UQCC1: variants seen among roughly 807,000 people sequenced by gnomAD.
The protein encoded by UQCC1 is ubiquinol-cytochrome c reductase complex assembly factor 1.
Under a neutral mutation model 48.0 loss-of-function variants are expected in UQCC1, and 38 were observed. The ratio of observed to expected loss-of-function variants is 0.79; its 90% confidence interval spans 0.61 to 1.04. The LOEUF is 1.04. UQCC1 is among the 50% of genes least tolerant of loss of function. The pLI is 0.00. For missense variants in UQCC1, 368 were observed against 381.8 expected, an observed-to-expected ratio of 0.96 and a Z score of 0.30; for synonymous variants, 111 against 129.2, an observed-to-expected ratio of 0.86 and a Z score of 0.95.
chr20:35,407,805 C>CT (rs1302053955), intron 1 of UQCC1, among the ~76,000 whole-genome samples: 1 of 152,084 alleles, frequency 6.6e-6, no homozygotes, highest in Non-Finnish European at 1.5e-5. Flanking sequence ...GGCGGATCAC[C>CT]TGAGGTTGGG....
chr20:35,325,340 A>C (rs1038878852), intron 7 of UQCC1, among the ~76,000 whole-genome samples: 1 of 152,240 alleles, frequency 6.6e-6, no homozygotes, highest in Non-Finnish European at 1.5e-5. Context: ...TAAAATGATA[A>C]ATATTATGTA....
In UQCC1 at chr20:35,411,088, GT is replaced by G. The variant is rs56798862; in HGVS notation, c.24+851del. ...GACCATGTCTACTATGAAAAACAGT[GT>G]CTTTGACCCAGTTTTTGAAGACTCG... On this transcript the variant is annotated intron_variant, in intron 1 of 9. Transcript: ENST00000374385. Among the ~76,000 whole-genome samples, 240 of 152,238 alleles carry G rather than the reference GT, an allele frequency of 1.6e-3. 2 individuals are homozygous for G. Among genetic ancestry groups the G allele is most frequent in the African/African-American group, 5.8e-3 (239 of 41,548 alleles).
rs77200187 is a variant in UQCC1, at chr20:35,399,147, A to T, written c.25-4951T>A. Among the ~76,000 whole-genome samples, 1,039 of 152,362 alleles carry T rather than the reference A, an allele frequency of 6.8e-3. 16 individuals carry two copies. The highest frequency in any genetic ancestry group is 0.024 in the African/African-American group (993 of 41,578). On this transcript the variant is annotated intron_variant, in intron 1 of 9. Transcript: ENST00000374385. ...ATCTCACAGGAGTGTTCCCAGGAACATTCCTAAAAGCACTTTGATAACAGA... is the reference window on the plus strand; with the variant it reads ...ATCTCACAGGAGTGTTCCCAGGAACTTTCCTAAAAGCACTTTGATAACAGA...
At chr20:35,319,477 T>C (rs952140400) in intron 7 of UQCC1, among the ~76,000 whole-genome samples, 2 of 152,198 alleles carry the variant, frequency 1.3e-5, no homozygotes, top group African/African-American at 4.8e-5. Flanking sequence ...ATATTTGCCA[T>C]GCACTTTTTA....
At chr20:35,395,102 T>C (rs764641612) in intron 1 of UQCC1, among the ~76,000 whole-genome samples, 4 of 152,140 alleles carry the variant, frequency 2.6e-5, no homozygotes, top group Admixed American at 6.6e-5. Context: ...TTGATGTGTT[T>C]ACTAACCTAG....
At chr20:35,397,595 C>A (rs1433288278) in intron 1 of UQCC1, among the ~76,000 whole-genome samples, 1 of 150,168 alleles carries the variant, frequency 6.7e-6, no homozygotes, top group Non-Finnish European at 1.5e-5. Flanking sequence ...TTTTTCTCGT[C>A]ACTACTCCCT....
At chr20:35,363,658 TG>T (rs1365569107) in intron 6 of UQCC1, among the ~76,000 whole-genome samples, 1 of 152,202 alleles carries the variant, frequency 6.6e-6, no homozygotes, top group African/African-American at 2.4e-5. Flanking sequence ...CCTTCTGAAA[TG>T]TCAGCGACCA....
intron 7 of UQCC1, among the ~76,000 whole-genome samples, chr20:35,317,318 T>C (rs558042064): frequency 6.6e-6 from 1 of 152,348 alleles, no homozygotes; most frequent in East Asian, 1.9e-4. Context: ...GTATGTATGC[T>C]GAAAGCCTTG....
At chr20:35,398,919 A>G (rs1004261951) in intron 1 of UQCC1, among the ~76,000 whole-genome samples, 13 of 152,184 alleles carry the variant, frequency 8.5e-5, no homozygotes, top group African/African-American at 1.2e-4. Flanking sequence ...ATACTTTTAA[A>G]TCAGTTCTTA....
intron 6 of UQCC1, among the ~76,000 whole-genome samples, chr20:35,357,539 C>T (rs1358022103): frequency 2.6e-5 from 4 of 151,066 alleles, no homozygotes; most frequent in African/African-American, 7.3e-5. Flanking sequence ...TAGTGGGGCA[C>T]GGTGGTGCAT....
intron 1 of UQCC1, among the ~76,000 whole-genome samples, chr20:35,404,385 AC>A (rs2093444226): frequency 7.0e-6 from 1 of 143,646 alleles, no homozygotes; most frequent in Non-Finnish European, 1.5e-5. Flanking sequence ...AAAAAAAAAA[AC>A]AAAATTAGCC....
chr20:35,323,777 G>A (rs969675265), intron 7 of UQCC1, among the ~76,000 whole-genome samples: 1 of 152,188 alleles, frequency 6.6e-6, no homozygotes, highest in Non-Finnish European at 1.5e-5. Context: ...TGACACTGAG[G>A]TTTCTCTCTC....
At chr20:35,304,277 C>T (rs2060903966) in intron 9 of UQCC1, among the ~76,000 whole-genome samples, 1 of 152,196 alleles carries the variant, frequency 6.6e-6, no homozygotes, top group South Asian at 2.1e-4. Flanking sequence ...TCAGAGAAAG[C>T]AGTCACTGGG....
intron 7 of UQCC1, among the ~76,000 whole-genome samples, chr20:35,325,223 G>T (rs1020766107): frequency 6.6e-6 from 1 of 152,208 alleles, no homozygotes; most frequent in African/African-American, 2.4e-5. Flanking sequence ...AATGGGCACA[G>T]AGTTTTTGTT....
chr20:35,359,013 A>G (rs2146420048), intron 6 of UQCC1, among the ~76,000 whole-genome samples: 1 of 152,322 alleles, frequency 6.6e-6, no homozygotes, highest in South Asian at 2.1e-4. Flanking sequence ...AAAGAAAAAA[A>G]GGAGTGTTCA....
At chr20:35,338,884 A>T (rs375781499) in intron 7 of UQCC1, among the ~76,000 whole-genome samples, 628 of 59,078 alleles carry the variant, frequency 0.011, 37 homozygotes, top group African/African-American at 0.1. Flanking sequence ...AAAAAAAAAA[A>T]AAAAAAAAAT....
At chr20:35,313,000 G>T (rs1013142024) in intron 8 of UQCC1, among the ~76,000 whole-genome samples, 2 of 152,040 alleles carry the variant, frequency 1.3e-5, no homozygotes, top group African/African-American at 4.8e-5. Context: ...CAAAGCAATG[G>T]GAATGTACTT....
chr20:35,371,344 G>T (rs568259398), intron 5 of UQCC1, among the ~76,000 whole-genome samples: 5 of 145,038 alleles, frequency 3.4e-5, no homozygotes, highest in South Asian at 2.2e-4. Flanking sequence ...GGTTTTTTTT[G>T]TTTTTTTTTT....
chr20:35,389,511 C>T (rs186056828), intron 2 of UQCC1, among the ~76,000 whole-genome samples: 13 of 151,502 alleles, frequency 8.6e-5, no homozygotes, highest in African/African-American at 3.2e-4. Flanking sequence ...TGCAGTGAGC[C>T]AAGATCTCGC....
Sources: gnomAD v4.1 joint callset for allele counts (sites outside exome capture counted in the v4.1 genomes callset) on GRCh38, gnomAD v4.1.1 for gene constraint, MANE v1.5 for transcripts, NCBI Gene and HGNC (gene_info 2026-07-23, HGNC 2026-07-21) for gene names.